The following PTPRD variants were observed in gnomAD, a reference collection of about 807,000 sequenced individuals.
PTPRD encodes receptor-type tyrosine-protein phosphatase delta.
PTPRD carries 34 observed loss-of-function variants against 214.5 expected under a neutral mutation model. The ratio of observed to expected loss-of-function variants is 0.16; its 90% CI spans 0.12 to 0.21. The LOEUF (loss-of-function observed/expected upper bound fraction) is 0.21, where lower values mean the gene tolerates loss of function less well. Among genes scored for constraint, PTPRD ranks in the 10% least tolerant of loss-of-function variants. PTPRD has a pLI of 1.00. For synonymous variants in PTPRD, 1,128 were observed against 845.7 expected (o/e 1.33, Z -5.79); for missense variants, 2,545 against 2,398.7 (o/e 1.06, Z -1.27).
chr9:9,048,699 G>C (rs1247105239), intron 10 of PTPRD, among the ~76,000 whole-genome samples: 1 of 151,990 alleles, frequency 6.6e-6, no homozygotes, highest in African/African-American at 2.4e-5. Context: ...GGGGAGGTAG[G>C]GATGGTCTAT....
intron 3 of PTPRD, among the ~76,000 whole-genome samples, chr9:10,146,847 C>G (rs749098320): frequency 3.9e-5 from 6 of 152,072 alleles, no homozygotes; most frequent in Non-Finnish European, 5.9e-5. Context: ...CATCTTGGAG[C>G]AATACCTTGA....
At chr9:9,793,727 A>G (rs1428788523) in intron 5 of PTPRD, among the ~76,000 whole-genome samples, 1 of 152,104 alleles carries the variant, frequency 6.6e-6, no homozygotes, top group Admixed American at 6.6e-5. Context: ...GTAATGGTAA[A>G]AAGTATCTTA....
intron 2 of PTPRD, among the ~76,000 whole-genome samples, chr9:10,480,618 GAAT>G (rs762059825): frequency 2.4e-4 from 36 of 151,480 alleles, no homozygotes; most frequent in Non-Finnish European, 4.9e-4. Flanking sequence ...TCAAAGAAGA[GAAT>G]AAAATATTAA....
chr9:9,398,903 C>T (rs976549761), intron 8 of PTPRD, among the ~76,000 whole-genome samples: 11 of 151,836 alleles, frequency 7.2e-5, no homozygotes, highest in Non-Finnish European at 1.6e-4. Context: ...AATAACATTG[C>T]CTTGTTGCTA....
chr9:9,870,607 T>C (rs997644108), intron 5 of PTPRD, among the ~76,000 whole-genome samples: 4 of 152,050 alleles, frequency 2.6e-5, no homozygotes, highest in Non-Finnish European at 4.4e-5. Context: ...ATTATTTATA[T>C]TATTTCTATT....
chr9:10,236,117 T>C (rs948404435), intron 3 of PTPRD, among the ~76,000 whole-genome samples: 1 of 151,906 alleles, frequency 6.6e-6, no homozygotes, highest in African/African-American at 2.4e-5. Context: ...TTTTTTACTA[T>C]AACTAATTTC....
chr9:9,676,050 T>C (rs1212305933), intron 7 of PTPRD, among the ~76,000 whole-genome samples: 7 of 152,140 alleles, frequency 4.6e-5, no homozygotes, highest in African/African-American at 1.7e-4. Context: ...ACAGATTAAG[T>C]AATAAAATGT....
At chr9:9,674,334 G>C (rs945975527) in intron 7 of PTPRD, among the ~76,000 whole-genome samples, 2 of 151,566 alleles carry the variant, frequency 1.3e-5, no homozygotes, top group African/African-American at 4.8e-5. Flanking sequence ...AAGAATCAAA[G>C]TAGGTTACAG....
chr9:10,327,169 G>A (rs1210683352), intron 3 of PTPRD, among the ~76,000 whole-genome samples: 2 of 87,270 alleles, frequency 2.3e-5, no homozygotes, highest in Admixed American at 1.5e-4. Context: ...ATATATGTGT[G>A]TGTATATATA....
At chr9:8,553,128 T>G (rs2082609621) in intron 14 of PTPRD, among the ~76,000 whole-genome samples, 1 of 152,188 alleles carries the variant, frequency 6.6e-6, no homozygotes, top group South Asian at 2.1e-4. Flanking sequence ...AACCAAAAGT[T>G]GAGCAAAACA....
At chr9:9,806,936 T>C (rs1380490966) in intron 5 of PTPRD, among the ~76,000 whole-genome samples, 1 of 152,086 alleles carries the variant, frequency 6.6e-6, no homozygotes, top group Non-Finnish European at 1.5e-5. Context: ...CCACTGAGTA[T>C]GTGAACAGCC....
chr9:8,796,494 A>G (rs888648702), intron 11 of PTPRD, among the ~76,000 whole-genome samples: 9 of 152,278 alleles, frequency 5.9e-5, no homozygotes, highest in African/African-American at 2.2e-4. Context: ...ATCAGTCATC[A>G]GAGTACTTGT....
At chr9:9,631,631 C>G (rs1306388206) in intron 7 of PTPRD, among the ~76,000 whole-genome samples, 8 of 152,132 alleles carry the variant, frequency 5.3e-5, no homozygotes, top group Admixed American at 5.2e-4. Flanking sequence ...CCAGCGCAGA[C>G]ACAAGCAATG....
At chr9:9,671,512 G>C (rs984257448) in intron 7 of PTPRD, among the ~76,000 whole-genome samples, 1 of 152,036 alleles carries the variant, frequency 6.6e-6, no homozygotes, top group Non-Finnish European at 1.5e-5. Context: ...GATTTGGAGG[G>C]GCCAGGGGCA....
chr9:8,464,600 A>G (rs2096502028), intron 32 of PTPRD, among the ~76,000 whole-genome samples: 1 of 151,936 alleles, frequency 6.6e-6, no homozygotes, highest in South Asian at 2.1e-4. Flanking sequence ...CTGGGTTGCC[A>G]CACCTGTCAT....
chr9:10,343,214 G>C (rs975755382), intron 2 of PTPRD, among the ~76,000 whole-genome samples: 15 of 151,850 alleles, frequency 9.9e-5, no homozygotes, highest in African/African-American at 3.6e-4. Flanking sequence ...ACCTATGAGT[G>C]AGAACGTGCG....
intron 3 of PTPRD, among the ~76,000 whole-genome samples, chr9:10,216,724 T>C (rs945701414): frequency 6.6e-6 from 1 of 152,080 alleles, no homozygotes. Context: ...GTGTTGGAAG[T>C]ATACGGAATA....
At chr9:8,923,053 TG>T (rs2098839003) in intron 11 of PTPRD, among the ~76,000 whole-genome samples, 1 of 151,216 alleles carries the variant, frequency 6.6e-6, no homozygotes, top group Non-Finnish European at 1.5e-5. Context: ...TTTTTTTTGT[TG>T]TTTTTGAGAC....
chr9:8,814,822 C>T (rs1253424647), intron 11 of PTPRD, among the ~76,000 whole-genome samples: 1 of 152,190 alleles, frequency 6.6e-6, no homozygotes, highest in Non-Finnish European at 1.5e-5. Context: ...ATAAAGTTAA[C>T]TTAGAAGAAC....
Sources: gnomAD v4.1 joint callset for allele counts (sites outside exome capture counted in the v4.1 genomes callset) on GRCh38, gnomAD v4.1.1 for gene constraint, MANE v1.5 for transcripts, NCBI Gene and HGNC (gene_info 2026-07-23, HGNC 2026-07-21) for gene names.